Variants in IQGAP2 observed in about 807,000 individuals in gnomAD.
IQGAP2 encodes ras GTPase-activating-like protein IQGAP2.
IQGAP2 carries 173 observed loss-of-function variants against 201.3 expected under a neutral mutation model. The ratio of observed to expected loss-of-function variants is 0.86; its 90% CI spans 0.76 to 0.98. The LOEUF is 0.98. IQGAP2 is among the 50% of genes least tolerant of loss of function. The pLI is 0.00. For missense variants in IQGAP2, 1,687 were observed against 1,864.8 expected (o/e 0.90, Z 1.76); for synonymous variants, 675 against 673.9 (o/e 1.00, Z -0.03).
intron 12 of IQGAP2, among the ~76,000 whole-genome samples, chr5:76,609,408 C>A (rs62362038): frequency 0.16 from 24,486 of 152,092 alleles, 2,130 homozygotes; most frequent in Admixed American, 0.28. Context: ...TAGAGAAATA[C>A]TTCTGCTTTT....
chr5:76,630,908 G>T (rs924130993), intron 14 of IQGAP2, among the ~76,000 whole-genome samples: 6 of 152,112 alleles, frequency 3.9e-5, no homozygotes, highest in Admixed American at 2.6e-4. Flanking sequence ...ACTCCAGGTT[G>T]TTGAAAGTCA....
intron 1 of IQGAP2, chr5:76,404,388 C>A (rs1750683308): frequency 2.4e-6 from 2 of 847,450 alleles, no homozygotes; most frequent in African/African-American, 1.8e-5. Context: ...GTGCAGAGTT[C>A]AGAGTCCTAA....
chr5:76,683,228 G>C lies in IQGAP2; in HGVS notation c.3763+11G>C, dbSNP rs1490652917. Reference sequence around the variant, plus strand: ...TGGAATCTTTTCTTGGTAAGAGCTTGTTCCTTCTACTTATCCCTTGGTTTT... The same window carrying C: ...TGGAATCTTTTCTTGGTAAGAGCTTCTTCCTTCTACTTATCCCTTGGTTTT... On this transcript the variant is annotated intron_variant, in intron 29 of 35. Coordinates refer to ENST00000274364, the MANE Select transcript of IQGAP2 (RefSeq NM_006633.5). 24 of 1,593,082 alleles carry C rather than the reference G, an allele frequency of 1.5e-5. No individual in the cohort carries two copies. Among genetic ancestry groups the C allele is most frequent in the Non-Finnish European group, 2.1e-5 (24 of 1,165,246 alleles).
intron 17 of IQGAP2, among the ~76,000 whole-genome samples, chr5:76,647,075 T>C (rs186286911): frequency 4.4e-3 from 667 of 152,358 alleles, no homozygotes; most frequent in Middle Eastern, 0.024. Context: ...ATAGCCTTAA[T>C]AATATAGTAA....
intron 1 of IQGAP2, among the ~76,000 whole-genome samples, chr5:76,456,539 C>A (rs950373624): frequency 1.3e-5 from 2 of 152,070 alleles, no homozygotes; most frequent in Admixed American, 6.6e-5. Flanking sequence ...CATTCCCACC[C>A]CAGTTTTAGT....
chr5:76,591,898 T>C (rs1383145523), intron 8 of IQGAP2, among the ~76,000 whole-genome samples: 1 of 152,180 alleles, frequency 6.6e-6, no homozygotes, highest in African/African-American at 2.4e-5. Context: ...ACTTCCCTGG[T>C]TCAGAATGAT....
Position 76,403,451 on chromosome 5 carries a change from T to C in IQGAP2, c.-95T>C. 1 of 953,132 alleles carries C rather than the reference T, an allele frequency of 1.0e-6. No homozygotes were observed. Among genetic ancestry groups the C allele is most frequent in the Non-Finnish European group, 1.4e-6 (1 of 712,104 alleles). The allele number at this position is 953,132 out of a possible 1,614,324, so 59.0% of individuals were successfully genotyped here. A position where few individuals can be genotyped will look rare whatever the true frequency, so the allele number is the denominator to read the frequency against. ...TAGGGGAAATCGGCGAGAGGCGGGA[T>C]CCGAGCGCGCCGGCGGGGCGCAGAG... On this transcript the variant is annotated 5_prime_UTR_variant, in exon 1 of 36. Coordinates refer to ENST00000274364, the MANE Select transcript of IQGAP2 (RefSeq NM_006633.5). This position sits in a 1 kb window ranked among gnomAD's most constrained non-coding sequence, Gnocchi z 4.8.
At chr5:76,684,399 T>C (rs911620465) in intron 30 of IQGAP2, among the ~76,000 whole-genome samples, 2 of 152,208 alleles carry the variant, frequency 1.3e-5, no homozygotes, top group African/African-American at 2.4e-5. Context: ...TTGACTTTTA[T>C]TTGTACCCTG....
At chr5:76,585,249 T>C (rs2150299109) in intron 5 of IQGAP2, among the ~76,000 whole-genome samples, 1 of 152,286 alleles carries the variant, frequency 6.6e-6, no homozygotes, top group African/African-American at 2.4e-5. Flanking sequence ...GTATAGGTAA[T>C]ATATATTAAA....
At position 76,444,171 on chromosome 5, in the gene IQGAP2, A is replaced by G. The variant is rs1753227964; in HGVS notation, c.47-17399A>G. ...GAGGCCAAGGCAGAAAGATCACTTG[A>G]GCTCAGGAGTTCAGGACCAGCCTGG... On this transcript the variant is annotated intron_variant, in intron 1 of 35. Coordinates refer to ENST00000274364, the MANE Select transcript of IQGAP2 (RefSeq NM_006633.5). Among the ~76,000 whole-genome samples, 4 of 152,184 alleles carry G rather than the reference A, an allele frequency of 2.6e-5. No homozygotes were observed. The South Asian group carries it at 8.3e-4, about 32-fold the overall frequency.
chr5:76,562,479 A>G lies in IQGAP2; in HGVS notation c.230A>G (p.Lys77Arg), dbSNP rs779522081. The G allele has an allele frequency of 6.2e-7, 1 of 1,613,946 alleles. No individual in the cohort carries two copies. Among genetic ancestry groups the G allele is most frequent in the East Asian group, 2.2e-5 (1 of 44,894 alleles). ...EGLRNGVYLA[K>R]LAKFFAPKMV... ...CTCCGGAATGGAGTTTACCTTGCAA[A>G]GTTAGCCAAGTTCTTTGCCCCGAAA... is the stretch of plus-strand genomic sequence containing the variant. Residue 77 changes from lysine to arginine, a missense_variant, in exon 3 of 36, where the codon AAG (lysine) becomes AGG (arginine). Physicochemically the swap from Lys to Arg is conservative, Grantham distance 26. Coordinates refer to ENST00000274364, the MANE Select transcript of IQGAP2 (RefSeq NM_006633.5).
chr5:76,695,461 A>G lies in IQGAP2; in HGVS notation c.4001A>G (p.Asp1334Gly), dbSNP rs957070364. ...TTGATATTCTCTTTTCAGGAGGTAGACCATGCCACGGACATGGTGAGCCGT... is the reference window on the plus strand; with the variant it reads ...TTGATATTCTCTTTTCAGGAGGTAGGCCATGCCACGGACATGGTGAGCCGT... ...ETPATAQQEV[D>G]HATDMVSRAM... Residue 1334 changes from aspartate to glycine, a missense_variant, in exon 32 of 36, where the codon GAC becomes GGC. By Grantham distance (94) the Asp-to-Gly change is moderately conservative. Transcript: ENST00000274364. 6.2e-6 allele frequency: 10 copies of G among 1,613,906 alleles called. No homozygotes were observed. The Middle Eastern group carries it at 5.0e-4, about 80-fold the overall frequency.
chr5:76,546,590 A>G (rs181667465), intron 2 of IQGAP2, among the ~76,000 whole-genome samples: 5 of 152,312 alleles, frequency 3.3e-5, no homozygotes, highest in Admixed American at 3.3e-4. Flanking sequence ...ACCATCTGCT[A>G]CCTGTATTGT....
intron 11 of IQGAP2, among the ~76,000 whole-genome samples, chr5:76,604,396 G>T (rs1747656317): frequency 6.6e-6 from 1 of 151,992 alleles, no homozygotes; most frequent in South Asian, 2.1e-4. Flanking sequence ...GGACATTTGG[G>T]TTGGTTCCAA....
intron 23 of IQGAP2, 78 bp from the exon 24 acceptor site, chr5:76,671,681 G>T: frequency 9.7e-7 from 1 of 1,026,674 alleles, no homozygotes; most frequent in South Asian, 1.6e-5. Flanking sequence ...GAGCAAGACT[G>T]TCTCGGGGAA....
chr5:76,444,466 T>C (rs767455684), intron 1 of IQGAP2, among the ~76,000 whole-genome samples: 14 of 152,074 alleles, frequency 9.2e-5, no homozygotes, highest in Non-Finnish European at 1.8e-4. Context: ...ACCTGGCTAA[T>C]TTTTGTATTT....
At chr5:76,626,265 C>CTTTT (rs1750218703) in intron 13 of IQGAP2, among the ~76,000 whole-genome samples, 8 of 57,462 alleles carry the variant, frequency 1.4e-4, no homozygotes, top group African/African-American at 2.7e-4. Context: ...TTTTTTTCTT[C>CTTTT]TTTTCTTTTT....
intron 17 of IQGAP2, among the ~76,000 whole-genome samples, chr5:76,642,381 G>A (rs994077499): frequency 2.0e-5 from 3 of 152,046 alleles, no homozygotes; most frequent in African/African-American, 7.2e-5. Flanking sequence ...CGATCATTTG[G>A]AGCCTTTTTC....
chr5:76,526,167 A>C (rs186669776), intron 2 of IQGAP2, among the ~76,000 whole-genome samples: 1 of 152,330 alleles, frequency 6.6e-6, no homozygotes, highest in East Asian at 1.9e-4. Flanking sequence ...CTATTTCCTC[A>C]TTTATAAAAG....
Sources: allele counts gnomAD v4.1 joint callset (sites outside exome capture counted in the v4.1 genomes callset), GRCh38; gene constraint gnomAD v4.1.1; non-coding constraint Gnocchi (gnomAD v3.1); transcripts MANE v1.5; gene names NCBI Gene and HGNC (gene_info 2026-07-23, HGNC 2026-07-21).